Variants in COA1 observed in about 807,000 individuals in gnomAD.
The protein encoded by COA1 is cytochrome c oxidase assembly factor 1.
In COA1, 13 loss-of-function variants were observed where a neutral mutation model predicts 16.0. The observed-to-expected ratio is 0.81, with a 90% CI of 0.53 to 1.29. The LOEUF is 1.29. Among genes scored for constraint, COA1 ranks in the 50% most tolerant of loss-of-function variants. COA1 has a pLI of 0.00. For missense variants in COA1, 179 were observed against 177.0 expected, an observed-to-expected ratio of 1.01 and a Z score of -0.06; for synonymous variants, 65 against 65.7, an observed-to-expected ratio of 0.99 and a Z score of 0.05.
At chr7:43,642,068 CT>C (rs1364591401) in intron 4 of COA1, 1 of 152,178 alleles carries the variant, frequency 6.6e-6, no homozygotes, top group Non-Finnish European at 1.5e-5. Context: ...CACATTTGTG[CT>C]TTCCAAACAC....
At chr7:43,614,487 G>A (rs894699265) in intron 6 of COA1, among the ~76,000 whole-genome samples, 40 of 152,172 alleles carry the variant, frequency 2.6e-4, no homozygotes, top group African/African-American at 8.7e-4. Context: ...ATGTATTTCG[G>A]CTTATTGGAA....
At chr7:43,640,675 A>G (rs748746290) in intron 4 of COA1, 26 bp from the exon 5 acceptor site, 4 of 1,494,776 alleles carry the variant, frequency 2.7e-6, no homozygotes, top group Admixed American at 1.9e-5. Flanking sequence ...GACAGAAAGG[A>G]GAGATGTAAT....
intron 1 of COA1, among the ~76,000 whole-genome samples, chr7:43,660,692 C>A (rs745514014): frequency 6.6e-6 from 1 of 152,148 alleles, no homozygotes; most frequent in East Asian, 1.9e-4. Flanking sequence ...CAAACCCATA[C>A]AATCTGTTTC....
chr7:43,627,639 T>C (rs779851888), intron 6 of COA1, among the ~76,000 whole-genome samples: 2 of 152,230 alleles, frequency 1.3e-5, no homozygotes, highest in African/African-American at 2.4e-5. Flanking sequence ...TTGTCCAAGA[T>C]TGGCCACCTC....
chr7:43,725,308 A>G (rs1050392470), intron 1 of COA1, among the ~76,000 whole-genome samples: 9 of 152,218 alleles, frequency 5.9e-5, no homozygotes, highest in Non-Finnish European at 1.5e-5. Flanking sequence ...CAACAATGTT[A>G]AAGTACTTAA....
chr7:43,700,854 G>T (rs79957521), intron 1 of COA1, among the ~76,000 whole-genome samples: 1,683 of 152,108 alleles, frequency 0.011, 28 homozygotes, highest in African/African-American at 0.037. Context: ...GGCTGTTACT[G>T]GAAGCACAGA....
At chr7:43,684,741 C>T (rs776937042) in intron 1 of COA1, among the ~76,000 whole-genome samples, 1 of 152,110 alleles carries the variant, frequency 6.6e-6, no homozygotes, top group African/African-American at 2.4e-5. Flanking sequence ...TACTTGACTG[C>T]TTGCTCAAAA....
At chr7:43,627,976 TC>T (rs886384662) in intron 6 of COA1, among the ~76,000 whole-genome samples, 2 of 146,314 alleles carry the variant, frequency 1.4e-5, no homozygotes, top group African/African-American at 2.6e-5. Flanking sequence ...TGTTGCTTTT[TC>T]TTGTTTTGTT....
At chr7:43,644,777 GGCAGGCAGGC>G (rs1563229276) in intron 4 of COA1, among the ~76,000 whole-genome samples, 29 of 114,890 alleles carry the variant, frequency 2.5e-4, no homozygotes, top group African/African-American at 4.1e-4. Flanking sequence ...CAGGCAGGCA[GGCAGGCAGGC>G]AGGCAGAGAG....
At chr7:43,630,260 C>T (rs1213188616) in intron 6 of COA1, among the ~76,000 whole-genome samples, 2 of 152,128 alleles carry the variant, frequency 1.3e-5, no homozygotes, top group Non-Finnish European at 2.9e-5. Flanking sequence ...CTTTGGGGAG[C>T]AGCTTATTTT....
At chr7:43,611,612 T>C (rs1442147522) in intron 6 of COA1, among the ~76,000 whole-genome samples, 1 of 152,128 alleles carries the variant, frequency 6.6e-6, no homozygotes, top group African/African-American at 2.4e-5. Context: ...CCACCTTGCT[T>C]CCCTCGGGAA....
chr7:43,667,259 A>C (rs1244591013), intron 1 of COA1, among the ~76,000 whole-genome samples: 1 of 152,218 alleles, frequency 6.6e-6, no homozygotes, highest in African/African-American at 2.4e-5. Flanking sequence ...TCAAGTTTCA[A>C]AACTGTCCTT....
intron 4 of COA1, 63 bp from the exon 5 acceptor site, chr7:43,640,712 T>C: frequency 8.2e-6 from 10 of 1,220,528 alleles, no homozygotes; most frequent in Non-Finnish European, 1.2e-5. Flanking sequence ...TTTCAGAAGA[T>C]GACAAAATGA....
intron 1 of COA1, among the ~76,000 whole-genome samples, chr7:43,678,113 G>C (rs1404720524): frequency 6.6e-6 from 1 of 152,072 alleles, no homozygotes; most frequent in Non-Finnish European, 1.5e-5. Context: ...CAGTGAGTTG[G>C]GTTTGAGAGA....
At chr7:43,661,450 A>G (rs928292692) in intron 1 of COA1, among the ~76,000 whole-genome samples, 2 of 152,160 alleles carry the variant, frequency 1.3e-5, no homozygotes, top group African/African-American at 4.8e-5. Flanking sequence ...TCTGGCTAAC[A>G]CAGTGAAACC....
chr7:43,645,134 C>T (rs1393450328), intron 4 of COA1, 117 bp downstream of exon 4: 12 of 841,548 alleles, frequency 1.4e-5, no homozygotes, highest in Non-Finnish European at 3.4e-6. Context: ...CCAAACCTAG[C>T]TTTACTTAGT....
intron 1 of COA1, among the ~76,000 whole-genome samples, chr7:43,714,541 A>C (rs1036623744): frequency 6.6e-5 from 10 of 151,706 alleles, no homozygotes; most frequent in Non-Finnish European, 1.2e-4. Context: ...AGGCAGGAGA[A>C]TTGCTTGAAC....
At chr7:43,636,255 G>A (rs555766569), downstream of COA1, among the ~76,000 whole-genome samples, 40 of 152,278 alleles carry the variant, frequency 2.6e-4, no homozygotes, top group Admixed American at 4.6e-4. Context: ...CCTGAACCAG[G>A]AGCGCATTAC....
rs116658859 is a variant in COA1, at chr7:43,657,736, G to C, written c.-38-9084C>G. 5.3e-3 allele frequency among the ~76,000 whole-genome samples: 805 copies of C among 152,138 alleles called. 7 individuals are homozygous for C. The highest frequency in any genetic ancestry group is 0.019 in the African/African-American group (777 of 41,508). On this transcript the variant is annotated intron_variant, in intron 1 of 5. Transcript: ENST00000223336. ...AATAAGAAGAAAAGCCACAGACTGG[G>C]AGAAAATATTTACTAAAGACATCTG...
Sources: allele counts gnomAD v4.1 joint callset (sites outside exome capture counted in the v4.1 genomes callset), GRCh38; gene constraint gnomAD v4.1.1; transcripts MANE v1.5; gene names NCBI Gene and HGNC (gene_info 2026-07-23, HGNC 2026-07-21).